Variants in CLCNKA observed in about 807,000 individuals in gnomAD.
CLCNKA encodes chloride channel protein ClC-Ka.
CLCNKA carries 66 observed loss-of-function variants against 83.3 expected under a neutral mutation model. The ratio of observed to expected loss-of-function variants is 0.79; its 90% CI spans 0.65 to 0.97. The LOEUF is 0.97. Ranked by LOEUF, CLCNKA falls within the 50% of genes least tolerant of loss-of-function variation. The probability of loss-of-function intolerance (pLI) is 0.00; values close to 1 mark genes in which losing one functional copy is unlikely to be tolerated. For synonymous variants in CLCNKA, 357 were observed against 370.4 expected (o/e 0.96, Z 0.42); for missense variants, 806 against 888.7 (o/e 0.91, Z 1.18).
rs35881888 is a variant in CLCNKA at position 16,032,681 on chromosome 1, C to T, written c.1929+155C>T. On this transcript the variant is annotated intron_variant, in intron 18 of 19. Transcript: ENST00000331433. ...GCCTGGACAGGGCAGCTCCTGCCGTCGCCCCTCACTGCCAGGGTTGCGGGG... is the reference window on the plus strand; with the variant it reads ...GCCTGGACAGGGCAGCTCCTGCCGTTGCCCCTCACTGCCAGGGTTGCGGGG... 0.089 allele frequency among the ~76,000 whole-genome samples: 13,499 copies of T among 152,102 alleles called. 696 individuals carry two copies. Among genetic ancestry groups the T allele is most frequent in the Non-Finnish European group, 0.1 (6,989 of 67,992 alleles).
intron 10 of CLCNKA, 151 bp from the exon 11 acceptor site, chr1:16,028,610 C>T: frequency 1.0e-6 from 1 of 959,956 alleles, no homozygotes; most frequent in Non-Finnish European, 1.7e-6. Context: ...GGGCCATGTT[C>T]CCTGCTCCCG....
intron 10 of CLCNKA, 80 bp from the exon 11 acceptor site, chr1:16,028,681 G>T: frequency 1.3e-6 from 2 of 1,553,676 alleles, no homozygotes; most frequent in Non-Finnish European, 1.8e-6. Context: ...CTCTGCTGCT[G>T]CCTGGACCAG....
chr1:16,027,543 C>T (rs2022419192), intron 8 of CLCNKA, 108 bp downstream of exon 8: 5 of 1,544,898 alleles, frequency 3.2e-6, no homozygotes, highest in African/African-American at 1.4e-5. Context: ...CTCTCTCTCC[C>T]TCTTTTCCCT....
rs760377216 is a variant in CLCNKA at position 16,026,180 on chromosome 1, T to C, written c.431T>C (p.Phe144Ser). The C allele has an allele frequency of 6.2e-7, 1 of 1,613,794 alleles. No homozygotes were observed. The highest frequency in any genetic ancestry group is 1.1e-5 in the South Asian group (1 of 91,054). The change falls in exon 5 of 20, where the codon TTT (phenylalanine) becomes TCT (serine). Residue 144 changes from phenylalanine (F) to serine (S), a missense_variant. Physicochemically the swap from Phe to Ser is radical, Grantham distance 155. Coordinates refer to ENST00000331433, the MANE Select transcript of CLCNKA (RefSeq NM_004070.4). The stretch of plus-strand genomic sequence containing the variant: ...GAGGACTACCTGGATATCAAGAACT[T>C]TGGGGCCAAGGTGGTGGGCCTCTCC... ...ILEDYLDIKN[F>S]GAKVVGLSCT...
At position 16,033,774 on chromosome 1, in the gene CLCNKA, C is replaced by G; in HGVS notation, c.*116C>G. On this transcript the variant is annotated 3_prime_UTR_variant, in exon 20 of 20. Transcript: ENST00000331433. ...CCCCTCCCTCCAGCCCAGCTCCATT[C>G]TTTGGCATAACAGGCAACTCTAACC... 1 of 1,052,382 alleles carries G rather than the reference C, an allele frequency of 9.5e-7. No individual in the cohort carries two copies. Among genetic ancestry groups the G allele is most frequent in the Non-Finnish European group, 1.5e-6 (1 of 685,594 alleles). The allele number at this position is 1,052,382 out of a possible 1,614,324, so 65.2% of individuals were successfully genotyped here.
rs2022528923 is a variant in CLCNKA at position 16,029,627 on chromosome 1, C to G, written c.1228-104C>G. 2.8e-6 allele frequency: 4 copies of G among 1,452,274 alleles called. 1 individual carries two copies. The highest frequency in any genetic ancestry group is 9.7e-7 in the Non-Finnish European group (1 of 1,033,964). The allele number at this position is 1,452,274 out of a possible 1,614,324, so 90.0% of individuals were successfully genotyped here. On this transcript the variant is annotated intron_variant, in intron 12 of 19. Coordinates refer to ENST00000331433, the MANE Select transcript of CLCNKA (RefSeq NM_004070.4). ...CTGGCAGTGGGTGCATGGCTGGCAC[C>G]CTCTTTCTATCTAGGACACTCCCCT... is the stretch of plus-strand genomic sequence containing the variant.
chr1:16,022,777 C>A, intron 2 of CLCNKA, 58 bp downstream of exon 2: 1 of 1,229,814 alleles, frequency 8.1e-7, no homozygotes, highest in Non-Finnish European at 1.1e-6. Context: ...TCATTCCTGC[C>A]TGGCTCCCAC....
intron 7 of CLCNKA, 41 bp from the exon 8 acceptor site, chr1:16,027,269 G>T: frequency 6.2e-7 from 1 of 1,611,614 alleles, no homozygotes. Flanking sequence ...GCCACAGGTG[G>T]GTGGGGGTGG....
intron 10 of CLCNKA, among the ~76,000 whole-genome samples, chr1:16,028,370 A>G (rs1437022023): frequency 6.7e-6 from 1 of 148,192 alleles, no homozygotes. Flanking sequence ...CCCCTCACTG[A>G]GCCTCAAACC....
intron 5 of CLCNKA, 30 bp downstream of exon 5, chr1:16,026,277 A>G (rs1344951581): frequency 1.2e-6 from 2 of 1,606,984 alleles, no homozygotes; most frequent in Non-Finnish European, 1.7e-6. Flanking sequence ...CACCCCAGCC[A>G]CCCCGCCCAC....
Position 16,030,377 on chromosome 1 carries a change from C to T in CLCNKA, c.1409-84C>T, listed in dbSNP as rs557522705. On this transcript the variant is annotated intron_variant, in intron 14 of 19. Coordinates refer to ENST00000331433, the MANE Select transcript of CLCNKA (RefSeq NM_004070.4). Reference sequence around the variant, plus strand: ...TTACAATTCCCACCCTAGCCCCCGGCAGCAGCCAGGCTAGTTATTCCCTCA... The same window carrying T: ...TTACAATTCCCACCCTAGCCCCCGGTAGCAGCCAGGCTAGTTATTCCCTCA... The T allele has an allele frequency of 5.1e-4, 786 of 1,534,270 alleles. 14 individuals carry two copies. In the South Asian group the frequency reaches 8.6e-3, roughly 17 times the overall value.
intron 19 of CLCNKA, 130 bp from the exon 20 acceptor site, chr1:16,033,481 C>G: frequency 1.1e-6 from 1 of 944,396 alleles, no homozygotes; most frequent in East Asian, 2.6e-5. Flanking sequence ...GTGATCCCAT[C>G]TGTGCAATGG....
intron 18 of CLCNKA, 69 bp from the exon 19 acceptor site, chr1:16,033,101 G>A: frequency 1.3e-6 from 2 of 1,508,450 alleles, no homozygotes; most frequent in East Asian, 4.5e-5. Context: ...CAGAGGCGTG[G>A]CAGAGTGGGC....
chr1:16,028,691 G>A, intron 10 of CLCNKA, 70 bp from the exon 11 acceptor site: 1 of 1,576,636 alleles, frequency 6.3e-7, no homozygotes, highest in Non-Finnish European at 8.7e-7. Context: ...GCCTGGACCA[G>A]GTCCTACTTC....
intron 4 of CLCNKA, among the ~76,000 whole-genome samples, chr1:16,025,545 G>T (rs1437342754): frequency 6.6e-6 from 1 of 152,130 alleles, no homozygotes; most frequent in Non-Finnish European, 1.5e-5. Context: ...TTAGCCAGGT[G>T]TGGTGGTGCC....
Position 16,029,254 on chromosome 1 carries a change from G to A in CLCNKA, c.1182G>A (p.Pro394=), listed in dbSNP as rs371912383. 2.5e-4 allele frequency: 410 copies of A among 1,613,756 alleles called. No individual in the cohort carries two copies. The highest frequency in any genetic ancestry group is 2.0e-4 in the Non-Finnish European group (232 of 1,179,970). ...PQHLWWEWYH[P]RFTIFGTLAF... is the part of the protein sequence containing the mutation. ...ACCTTTGGTGGGAATGGTACCACCC[G>A]CGGTTCACCATCTTTGGGACCCTTG... Residue 394 remains proline (P), a synonymous_variant, in exon 12 of 20, where the codon CCG becomes CCA. Transcript: ENST00000331433.
Position 16,031,719 on chromosome 1 carries a change from T to C in CLCNKA, c.1632T>C (p.His544=), listed in dbSNP as rs745418033. ...GCCCCTCTGCCTGCAGCTCCCACCA[T>C]GTGAGGGTGGAGCACTTCATGAACC... ...RILGRNIGSH[H]VRVEHFMNHS... is the part of the protein sequence containing the mutation. Residue 544 remains histidine (H), a synonymous_variant, in exon 16 of 20, where the codon CAT becomes CAC. Coordinates refer to ENST00000331433, the MANE Select transcript of CLCNKA (RefSeq NM_004070.4). The C allele has an allele frequency of 6.2e-6, 10 of 1,613,620 alleles. No individual in the cohort carries two copies. The highest frequency in any genetic ancestry group is 2.2e-5 in the East Asian group (1 of 44,886).
intron 14 of CLCNKA, 147 bp downstream of exon 14, chr1:16,030,222 G>A: frequency 1.3e-6 from 1 of 746,552 alleles, no homozygotes; most frequent in South Asian, 1.8e-5. Flanking sequence ...TCCCTCCTGA[G>A]CCCCACCATT....
In CLCNKA at chr1:16,026,706, A is replaced by G. The variant is rs757379581; in HGVS notation, c.586A>G (p.Lys196Glu). 8 of 1,613,776 alleles carry G rather than the reference A, an allele frequency of 5.0e-6. No individual in the cohort carries two copies. The Admixed American group carries it at 1.0e-4, about 20-fold the overall frequency. Residue 196 changes from lysine (K) to glutamate (E), a missense_variant, in exon 7 of 20, where the codon AAG (lysine) becomes GAG (glutamate). Physicochemically the swap from Lys to Glu is moderately conservative, Grantham distance 56 (BLOSUM62 1). Coordinates refer to ENST00000331433, the MANE Select transcript of CLCNKA (RefSeq NM_004070.4). The stretch of plus-strand genomic sequence containing the variant: ...GACTCGGATCCCCCAGAACAAGAGC[A>G]AGCAAAACGAAATGCTGGTGGCAGC... ...TTIGEPENKS[K>E]QNEMLVAAAA...
Sources: allele counts gnomAD v4.1 joint callset (sites outside exome capture counted in the v4.1 genomes callset), GRCh38; gene constraint gnomAD v4.1.1; transcripts MANE v1.5; gene names NCBI Gene and HGNC (gene_info 2026-07-23, HGNC 2026-07-21).